SCARA3: variants seen among roughly 807,000 people sequenced by gnomAD.
SCARA3 encodes scavenger receptor class A member 3.
A neutral mutation model predicts 47.0 loss-of-function variants in SCARA3; 39 were observed. That is an observed-to-expected ratio of 0.83 (90% CI 0.64 to 1.08). The LOEUF (loss-of-function observed/expected upper bound fraction) is 1.08, where lower values mean the gene tolerates loss of function less well. SCARA3 is among the 50% of genes least tolerant of loss of function. The pLI is 0.00. For synonymous variants in SCARA3, 356 were observed against 334.1 expected, an observed-to-expected ratio of 1.07 and a Z score of -0.71; for missense variants, 724 against 792.3, an observed-to-expected ratio of 0.91 and a Z score of 1.04.
chr8:27,710,915 ATTT>A, the SCARA3 span, among the ~76,000 whole-genome samples: 15,901 of 96,702 alleles, frequency 0.16, 888 homozygotes, highest in African/African-American at 0.25. Context: ...CTCATAGGTG[ATTT>A]TTTTTTTTTT....
At chr8:27,659,695 C>T (rs1406015211) in intron 5 of SCARA3, among the ~76,000 whole-genome samples, 156 bp downstream of exon 5, 2 of 151,716 alleles carry the variant, frequency 1.3e-5, no homozygotes, top group African/African-American at 2.4e-5. Context: ...AAGAAATGTC[C>T]TTGCATTAGC....
chr8:27,694,103 C>T, the SCARA3 span, among the ~76,000 whole-genome samples: 1 of 152,190 alleles, frequency 6.6e-6, no homozygotes. Context: ...ATTTTGGGTT[C>T]ACAATTTGAA....
chr8:27,634,229 C>T (rs767445721), intron 1 of SCARA3, 22 bp downstream of exon 1: 4 of 1,351,820 alleles, frequency 3.0e-6, no homozygotes, highest in Non-Finnish European at 3.8e-6. Flanking sequence ...CTGTCGGGGG[C>T]AGCTCCGAGG....
At chr8:27,637,594 G>T (rs956026775) in intron 1 of SCARA3, among the ~76,000 whole-genome samples, 2 of 152,046 alleles carry the variant, frequency 1.3e-5, no homozygotes, top group East Asian at 3.9e-4. Context: ...GTGACTCAGT[G>T]GTGAGGTGGC....
chr8:27,633,775 G>T (rs1335631206), upstream of SCARA3: 1 of 151,776 alleles, frequency 6.6e-6, no homozygotes, highest in Non-Finnish European at 1.5e-5. Flanking sequence ...AAGTTGATCT[G>T]GGCCGGGGCC....
intron 3 of SCARA3, among the ~76,000 whole-genome samples, chr8:27,652,420 C>T (rs565166769): frequency 7.2e-5 from 11 of 152,232 alleles, no homozygotes; most frequent in East Asian, 3.9e-4. Flanking sequence ...TTTGAAAATC[C>T]GGGCTCTGGT....
the SCARA3 span, among the ~76,000 whole-genome samples, chr8:27,686,322 T>G: frequency 6.6e-6 from 1 of 152,036 alleles, no homozygotes; most frequent in Admixed American, 6.5e-5. Context: ...ACAGCTGTAG[T>G]TGTCCCAGCT....
chr8:27,634,264 C>T (rs181550611), intron 1 of SCARA3, 57 bp downstream of exon 1: 2 of 1,300,048 alleles, frequency 1.5e-6, no homozygotes, highest in African/African-American at 1.5e-5. Context: ...CCCCGCTCCA[C>T]CCAGGGCCTG....
At chr8:27,703,798 T>C in the SCARA3 span, 1 of 150,442 alleles carries the variant, frequency 6.6e-6, no homozygotes, top group South Asian at 2.1e-4. Flanking sequence ...TTAAAGTTTG[T>C]GGTTTTGTGT....
the SCARA3 span, among the ~76,000 whole-genome samples, chr8:27,719,030 G>C: frequency 3.3e-5 from 5 of 152,208 alleles, no homozygotes; most frequent in African/African-American, 1.2e-4. Flanking sequence ...TACTCTGCCT[G>C]CAAGAAGAAA....
At chr8:27,635,007 G>A (rs990781744) in intron 1 of SCARA3, among the ~76,000 whole-genome samples, 2 of 152,164 alleles carry the variant, frequency 1.3e-5, no homozygotes, top group Non-Finnish European at 2.9e-5. Flanking sequence ...ACGCCATTTC[G>A]GGTGTCTTTC....
downstream of SCARA3, among the ~76,000 whole-genome samples, chr8:27,674,351 G>A (rs116071448): frequency 3.5e-3 from 539 of 152,250 alleles, 5 homozygotes; most frequent in African/African-American, 0.012. Context: ...CCATGGAAAC[G>A]GGGCAGGTTG....
chr8:27,664,300 AT>A (rs1801970993), intron 5 of SCARA3, among the ~76,000 whole-genome samples: 1 of 152,240 alleles, frequency 6.6e-6, no homozygotes. Flanking sequence ...AACAAAGGCA[AT>A]TTAAAGCTTT....
chr8:27,681,554 A>G (rs1802356239), downstream of SCARA3, among the ~76,000 whole-genome samples: 1 of 151,948 alleles, frequency 6.6e-6, no homozygotes, highest in Non-Finnish European at 1.5e-5. Context: ...GCGAGACTTC[A>G]TCTCTTAAAA....
the SCARA3 span, among the ~76,000 whole-genome samples, chr8:27,729,747 TG>T: frequency 6.6e-6 from 1 of 152,046 alleles, no homozygotes; most frequent in South Asian, 2.1e-4. Context: ...GCTGAGATCA[TG>T]CCACTGCTCT....
At chr8:27,730,488 A>ATT in the SCARA3 span, among the ~76,000 whole-genome samples, 14,180 of 137,142 alleles carry the variant, frequency 0.1, 837 homozygotes, top group Middle Eastern at 0.12. Flanking sequence ...TCTGCCTTTG[A>ATT]TTTTTTTTTT....
At chr8:27,653,827 T>G (rs1801686787) in intron 3 of SCARA3, among the ~76,000 whole-genome samples, 1 of 152,182 alleles carries the variant, frequency 6.6e-6, no homozygotes, top group South Asian at 2.1e-4. Context: ...TTCATGGAGC[T>G]TATAATCTAG....
chr8:27,660,625 T>C (rs1801882473), intron 5 of SCARA3, among the ~76,000 whole-genome samples: 1 of 138,008 alleles, frequency 7.2e-6, no homozygotes, highest in African/African-American at 2.6e-5. Context: ...AGATGATAGA[T>C]AGATAGATAG....
chr8:27,661,697 C>G (rs949214764), intron 5 of SCARA3, among the ~76,000 whole-genome samples: 2 of 152,212 alleles, frequency 1.3e-5, no homozygotes, highest in African/African-American at 2.4e-5. Flanking sequence ...CCTTCTTCCA[C>G]TCCCCATTCT....
Sources: gnomAD v4.1 joint callset for allele counts (sites outside exome capture counted in the v4.1 genomes callset) on GRCh38, gnomAD v4.1.1 for gene constraint, MANE v1.5 for transcripts, NCBI Gene and HGNC (gene_info 2026-07-23, HGNC 2026-07-21) for gene names.